Variants in FTO observed in about 807,000 individuals in gnomAD.
FTO encodes alpha-ketoglutarate-dependent dioxygenase FTO.
In FTO, 47 loss-of-function variants were observed where a neutral mutation model predicts 63.9. The ratio of observed to expected loss-of-function variants is 0.74; its 90% CI spans 0.58 to 0.94. FTO has a LOEUF of 0.94. FTO is among the 40% of genes least tolerant of loss of function. The pLI, the probability that FTO is intolerant of heterozygous loss-of-function variation, is 0.00. For synonymous variants in FTO, 207 were observed against 224.4 expected (o/e 0.92, Z 0.69); for missense variants, 562 against 618.1 (o/e 0.91, Z 0.96).
chr16:53,711,573 G>A (rs2075778904), intron 1 of FTO: 1 of 396,890 alleles, frequency 2.5e-6, no homozygotes, highest in South Asian at 1.3e-4. Flanking sequence ...GTTTAAAGGT[G>A]TATCCTTATG....
chr16:53,989,555 A>G (rs2143889129), intron 8 of FTO, among the ~76,000 whole-genome samples: 1 of 152,242 alleles, frequency 6.6e-6, no homozygotes, highest in East Asian at 1.9e-4. Flanking sequence ...CTTGGACTCT[A>G]TATTCAGATG....
At chr16:53,734,966 A>G (rs1160683342) in intron 1 of FTO, among the ~76,000 whole-genome samples, 2 of 152,216 alleles carry the variant, frequency 1.3e-5, no homozygotes, top group Non-Finnish European at 2.9e-5. Flanking sequence ...GACTGGGAAA[A>G]GAAGTGTCTG....
At chr16:53,952,191 T>C (rs79595109) in intron 8 of FTO, among the ~76,000 whole-genome samples, 2,409 of 152,312 alleles carry the variant, frequency 0.016, 58 homozygotes, top group African/African-American at 0.055. Context: ...TTAGGGAATT[T>C]ACTCAGGATA....
chr16:53,883,903 T>G (rs1368123126), intron 6 of FTO, among the ~76,000 whole-genome samples: 3 of 152,220 alleles, frequency 2.0e-5, no homozygotes, highest in African/African-American at 7.2e-5. Flanking sequence ...GCCATACAAG[T>G]TGGCCTGGGA....
intron 4 of FTO, among the ~76,000 whole-genome samples, chr16:53,868,649 A>T (rs2080402071): frequency 6.6e-6 from 1 of 152,088 alleles, no homozygotes; most frequent in African/African-American, 2.4e-5. Flanking sequence ...GGTAAGAAAA[A>T]TAATGGTTTT....
chr16:53,819,385 T>A lies in FTO; in HGVS notation c.124-6479T>A, dbSNP rs577987928. Reference sequence around the variant, plus strand: ...GGGGATTTCACCTTGTTGCCCAGGCTAGTCTCGAGCTCGTCAGCTCAAGCA... The same window carrying A: ...GGGGATTTCACCTTGTTGCCCAGGCAAGTCTCGAGCTCGTCAGCTCAAGCA... On this transcript the variant is annotated intron_variant, in intron 2 of 8. Transcript: ENST00000471389. Among the ~76,000 whole-genome samples the A allele has an allele frequency of 4.6e-5, 7 of 152,290 alleles. No homozygotes were observed. In the South Asian group the frequency reaches 1.4e-3, roughly 32 times the overall value.
intron 8 of FTO, among the ~76,000 whole-genome samples, chr16:53,982,679 C>T (rs1358428587): frequency 1.3e-5 from 2 of 152,324 alleles, no homozygotes; most frequent in East Asian, 3.9e-4. Context: ...GGCTCTGCAG[C>T]TGTTGAAACT....
intron 2 of FTO, among the ~76,000 whole-genome samples, chr16:53,815,671 CAG>C (rs1598734873): frequency 1.0e-5 from 1 of 98,848 alleles, no homozygotes; most frequent in East Asian, 3.4e-4. Context: ...TTTTTTGAGA[CAG>C]AGTCCCGCTC....
At chr16:53,803,376 G>A (rs1315578407) in intron 1 of FTO, among the ~76,000 whole-genome samples, 1 of 152,098 alleles carries the variant, frequency 6.6e-6, no homozygotes, top group Admixed American at 6.5e-5. Context: ...ATGTTGTAGT[G>A]TTGGCTCCCA....
chr16:53,737,787 A>G (rs561964900), intron 1 of FTO, among the ~76,000 whole-genome samples: 7 of 152,196 alleles, frequency 4.6e-5, no homozygotes, highest in Non-Finnish European at 1.0e-4. Flanking sequence ...TCCTCCCCCC[A>G]GCCTACCCAA....
At chr16:54,093,199 C>G (rs763708090) in intron 8 of FTO, among the ~76,000 whole-genome samples, 1 of 152,130 alleles carries the variant, frequency 6.6e-6, no homozygotes, top group Non-Finnish European at 1.5e-5. Flanking sequence ...CTGGCGGATG[C>G]CTTTGGGCAC....
At chr16:54,025,232 CT>C (rs2084686918) in intron 8 of FTO, among the ~76,000 whole-genome samples, 1 of 152,146 alleles carries the variant, frequency 6.6e-6, no homozygotes, top group African/African-American at 2.4e-5. Flanking sequence ...AATTGGAGCA[CT>C]GTTAATACTA....
chr16:53,798,521 T>G (rs2078138652), intron 1 of FTO, among the ~76,000 whole-genome samples: 1 of 152,170 alleles, frequency 6.6e-6, no homozygotes, highest in Non-Finnish European at 1.5e-5. Flanking sequence ...CTTTATAATT[T>G]TTGTTAAGGT....
intron 2 of FTO, among the ~76,000 whole-genome samples, chr16:53,825,546 A>G (rs2078981071): frequency 6.6e-6 from 1 of 152,228 alleles, no homozygotes; most frequent in South Asian, 2.1e-4. Context: ...AGTTAATAAA[A>G]TGGTGTTGAG....
At chr16:53,950,901 G>A (rs2082781872) in intron 8 of FTO, among the ~76,000 whole-genome samples, 1 of 152,278 alleles carries the variant, frequency 6.6e-6, no homozygotes, top group East Asian at 1.9e-4. Flanking sequence ...GCAGACTCAG[G>A]TGCGGTGCAC....
At chr16:54,098,626 GTCT>G (rs2086566141) in intron 8 of FTO, among the ~76,000 whole-genome samples, 1 of 152,186 alleles carries the variant, frequency 6.6e-6, no homozygotes, top group Non-Finnish European at 1.5e-5. Context: ...CTCACTGGCA[GTCT>G]GTCTGTCGGT....
At chr16:53,958,107 A>G (rs2082972133) in intron 8 of FTO, among the ~76,000 whole-genome samples, 3 of 152,204 alleles carry the variant, frequency 2.0e-5, no homozygotes, top group Non-Finnish European at 4.4e-5. Context: ...TAAAATAGCA[A>G]CTTTTCCCAA....
At chr16:53,879,716 A>C in intron 5 of FTO, 128 bp from the exon 6 acceptor site, 25 of 660,560 alleles carry the variant, frequency 3.8e-5, no homozygotes, top group East Asian at 6.2e-5. Flanking sequence ...AAAAAAAAGG[A>C]GTATAGACTG....
At chr16:53,767,524 A>G (rs1203462528) in intron 1 of FTO, among the ~76,000 whole-genome samples, 1 of 152,046 alleles carries the variant, frequency 6.6e-6, no homozygotes, top group Non-Finnish European at 1.5e-5. Context: ...AAAAATAAAT[A>G]AAATACTATA....
Sources: allele counts gnomAD v4.1 joint callset (sites outside exome capture counted in the v4.1 genomes callset), GRCh38; gene constraint gnomAD v4.1.1; transcripts MANE v1.5; gene names NCBI Gene and HGNC (gene_info 2026-07-23, HGNC 2026-07-21).